Variants in DMXL2 observed in about 807,000 individuals in gnomAD.
The protein encoded by DMXL2 is dmX-like protein 2.
DMXL2 carries 103 observed loss-of-function variants against 331.1 expected under a neutral mutation model. That is an observed-to-expected ratio of 0.31 (90% CI 0.27 to 0.37). DMXL2 has a LOEUF of 0.37. Ranked by LOEUF, DMXL2 falls within the 10% of genes least tolerant of loss-of-function variation. The probability of loss-of-function intolerance (pLI) is 1.00; values close to 1 mark genes in which losing one functional copy is unlikely to be tolerated. For missense variants in DMXL2, 3,171 were observed against 3,642.9 expected (o/e 0.87, Z 3.33); for synonymous variants, 1,281 against 1,252.1 (o/e 1.02, Z -0.49).
intron 1 of DMXL2, among the ~76,000 whole-genome samples, chr15:51,587,318 G>A (rs557094167): frequency 2.3e-4 from 34 of 148,348 alleles, no homozygotes; most frequent in South Asian, 2.2e-3. Flanking sequence ...TCCCTCCCCC[G>A]TCCCCCCACC....
At chr15:51,476,778 A>T (rs2041621263) in intron 26 of DMXL2, 59 bp from the exon 27 acceptor site, 2 of 1,429,324 alleles carry the variant, frequency 1.4e-6, no homozygotes, top group African/African-American at 1.5e-5. Context: ...ATTGCACTTT[A>T]TGTATATCAT....
chr15:51,464,850 T>C lies in DMXL2; in HGVS notation c.7633A>G (p.Ile2545Val). ...SELPVTSPLGIAVIKNLENWE... is the reference protein window; with the variant it reads ...SELPVTSPLGVAVIKNLENWE... ...TTCTCCAAGTTTTTAATCACAGCAATACCTAATGGTGATGTTACAGGCAGC... is the reference window on the plus strand; with the variant it reads ...TTCTCCAAGTTTTTAATCACAGCAACACCTAATGGTGATGTTACAGGCAGC... Residue 2545 changes from isoleucine (I) to valine (V), a missense_variant, in exon 32 of 44, where the codon ATT (isoleucine) becomes GTT (valine). Transcript: ENST00000560891. 3.1e-6 allele frequency: 5 copies of C among 1,614,008 alleles called. No homozygotes were observed. Among genetic ancestry groups the C allele is most frequent in the Admixed American group, 1.7e-5 (1 of 60,026 alleles).
Position 51,537,587 on chromosome 15 carries a change from A to C in DMXL2, c.1518T>G (p.Pro506=). 1 of 1,613,922 alleles carries C rather than the reference A, an allele frequency of 6.2e-7. No individual in the cohort carries two copies. Among genetic ancestry groups the C allele is most frequent in the East Asian group, 2.2e-5 (1 of 44,856 alleles). ...CAGGGTGTATTGTAAAAAGCATATC[A>C]GGATTCTTATTCCATTCAGTTAGCA... is the stretch of plus-strand genomic sequence containing the variant. ...ETLLTEWNKN[P]DMLFTIHPVD... The change falls in exon 11 of 44, where the codon CCT becomes CCG. Residue 506 remains proline, a synonymous_variant. Transcript: ENST00000560891.
At chr15:51,595,035 A>G (rs2052688926) in intron 1 of DMXL2, among the ~76,000 whole-genome samples, 4 of 152,166 alleles carry the variant, frequency 2.6e-5, no homozygotes, top group South Asian at 2.1e-4. Flanking sequence ...CTCTCTCACC[A>G]CTCCTATTCA....
At chr15:51,590,047 A>G (rs2052174726) in intron 1 of DMXL2, among the ~76,000 whole-genome samples, 1 of 152,234 alleles carries the variant, frequency 6.6e-6, no homozygotes. Context: ...TGCCCCATCT[A>G]CAGTCCTTCT....
chr15:51,529,469 T>A (rs1183965747), intron 13 of DMXL2, among the ~76,000 whole-genome samples: 1 of 152,154 alleles, frequency 6.6e-6, no homozygotes, highest in Non-Finnish European at 1.5e-5. Context: ...GTGGCTACTA[T>A]GATCAACTAT....
At chr15:51,613,649 T>C (rs1372435405) in intron 1 of DMXL2, among the ~76,000 whole-genome samples, 3 of 152,240 alleles carry the variant, frequency 2.0e-5, no homozygotes, top group East Asian at 1.9e-4. Flanking sequence ...GCAGATATTA[T>C]ATTAATTTTT....
At chr15:51,452,475 C>T (rs1291326371) in intron 41 of DMXL2, among the ~76,000 whole-genome samples, 2 of 151,942 alleles carry the variant, frequency 1.3e-5, no homozygotes, top group African/African-American at 4.8e-5. Flanking sequence ...ATACAAATGG[C>T]CAACAAACAG....
rs138061455 is a variant in DMXL2, at chr15:51,566,203, C to A, written c.286-1037G>T. Among the ~76,000 whole-genome samples, 4 of 151,022 alleles carry A rather than the reference C, an allele frequency of 2.6e-5. No individual in the cohort carries two copies. In the East Asian group the frequency reaches 7.8e-4, roughly 30 times the overall value. ...TTCCAGCCTGGGTCACAGAGCAAGA[C>A]TCTATATCTAAAAAAAATGTGTGTG... On this transcript the variant is annotated intron_variant, in intron 3 of 43. Transcript: ENST00000560891.
intron 8 of DMXL2, 126 bp downstream of exon 8, chr15:51,545,455 TGA>T (rs1567097345): frequency 4.1e-6 from 3 of 723,462 alleles, no homozygotes; most frequent in East Asian, 2.6e-5. Context: ...CAAGCATAAA[TGA>T]GAGTTTATTG....
chr15:51,608,166 C>T (rs142073082), intron 1 of DMXL2, among the ~76,000 whole-genome samples: 4,062 of 149,202 alleles, frequency 0.027, 83 homozygotes, highest in Middle Eastern at 0.044. Flanking sequence ...GCCTGGGCAA[C>T]AGAGCAAGAC....
rs2141169473 is a variant in DMXL2 at position 51,448,583 on chromosome 15, A to G, written c.*401T>C. ...CTTATGATTATCCTTCATTCAACAG[A>G]GGAGGAGACTGCAGGCATGCTTCAG... is the stretch of plus-strand genomic sequence containing the variant. On this transcript the variant is annotated 3_prime_UTR_variant, in exon 44 of 44. Coordinates refer to ENST00000560891, the MANE Select transcript of DMXL2 (RefSeq NM_001378457.1). The G allele has an allele frequency of 4.0e-6, 1 of 248,138 alleles. No homozygotes were observed. The highest frequency in any genetic ancestry group is 5.4e-5 in the South Asian group (1 of 18,474). The allele number at this position is 248,138 out of a possible 1,614,324, so 15.4% of individuals were successfully genotyped here. A position where few individuals can be genotyped will look rare whatever the true frequency, so the allele number is the denominator to read the frequency against.
intron 1 of DMXL2, among the ~76,000 whole-genome samples, chr15:51,592,497 G>T (rs2052450104): frequency 6.6e-6 from 1 of 152,172 alleles, no homozygotes; most frequent in South Asian, 2.1e-4. Context: ...CACTCTACAG[G>T]ATATTATCCA....
rs757674417 is a variant in DMXL2 at position 51,481,119 on chromosome 15, A to G, written c.5987T>C (p.Leu1996Ser). Residue 1996 changes from leucine to serine, a missense_variant, in exon 24 of 44, where the codon TTA (leucine) becomes TCA (serine). Leu to Ser is a moderately radical substitution (Grantham distance 145). Coordinates refer to ENST00000560891, the MANE Select transcript of DMXL2 (RefSeq NM_001378457.1). ...LDEEEDDAVG[L>S]VMKSTDAREK... ...CCTGGCATCTGTACTTTTCATCACT[A>G]AACCAACAGCATCGTCTTCCTCTTC... is the stretch of plus-strand genomic sequence containing the variant. 3 of 1,612,144 alleles carry G rather than the reference A, an allele frequency of 1.9e-6. No individual in the cohort carries two copies. The highest frequency in any genetic ancestry group is 2.5e-6 in the Non-Finnish European group (3 of 1,178,488).
chr15:51,542,236 A>G lies in DMXL2; in HGVS notation c.1105+97T>C, dbSNP rs558845710. The G allele has an allele frequency of 1.5e-5, 18 of 1,223,920 alleles. No individual in the cohort carries two copies. In the South Asian group the frequency reaches 2.1e-4, roughly 14 times the overall value. 75.8% of individuals were successfully genotyped at this position (1,223,920 alleles called of 1,614,324 possible). ...TCCAATTAAGTATTTTAAAGGCAACATGAAATAATAAAAAACAGGTTATGA... is the reference window on the plus strand; with the variant it reads ...TCCAATTAAGTATTTTAAAGGCAACGTGAAATAATAAAAAACAGGTTATGA... On this transcript the variant is annotated intron_variant, in intron 9 of 43. Coordinates refer to ENST00000560891, the MANE Select transcript of DMXL2 (RefSeq NM_001378457.1).
In DMXL2 at chr15:51,574,132, T is replaced by C. The variant is rs114096318; in HGVS notation, c.213+1924A>G. Among the ~76,000 whole-genome samples the C allele has an allele frequency of 6.8e-3, 1,033 of 152,136 alleles. 19 individuals carry two copies. The highest frequency in any genetic ancestry group is 0.024 in the African/African-American group (997 of 41,486). ...AGGCTAAGGAGAAGTCAGGGAGCCA[T>C]AAACTGCACCTGGGGGAAAGAGCTG... is the stretch of plus-strand genomic sequence containing the variant. On this transcript the variant is annotated intron_variant, in intron 2 of 43. Coordinates refer to ENST00000560891, the MANE Select transcript of DMXL2 (RefSeq NM_001378457.1).
intron 6 of DMXL2, among the ~76,000 whole-genome samples, chr15:51,563,070 G>T (rs914157944): frequency 6.6e-6 from 1 of 152,122 alleles, no homozygotes; most frequent in South Asian, 2.1e-4. Flanking sequence ...TCTTTTCATT[G>T]TGAATCCAGT....
chr15:51,531,333 A>G (rs1454952169), intron 13 of DMXL2, among the ~76,000 whole-genome samples: 3 of 152,226 alleles, frequency 2.0e-5, no homozygotes, highest in Non-Finnish European at 4.4e-5. Context: ...ATCCATATGC[A>G]GAAGAATAAA....
At chr15:51,487,386 T>C (rs1213383893) in intron 22 of DMXL2, among the ~76,000 whole-genome samples, 1 of 152,086 alleles carries the variant, frequency 6.6e-6, no homozygotes, top group African/African-American at 2.4e-5. Context: ...AAGACATTCA[T>C]AAACTATTTT....
Sources: allele counts gnomAD v4.1 joint callset (sites outside exome capture counted in the v4.1 genomes callset), GRCh38; gene constraint gnomAD v4.1.1; transcripts MANE v1.5; gene names NCBI Gene and HGNC (gene_info 2026-07-23, HGNC 2026-07-21).